The following KMT2C variants were observed in gnomAD, a reference collection of about 807,000 sequenced individuals.
KMT2C encodes lysine methyltransferase 2C.
KMT2C carries 88 observed loss-of-function variants against 507.9 expected under a neutral mutation model. That is an observed-to-expected ratio of 0.17 (90% CI 0.15 to 0.21). The LOEUF is 0.21. Ranked by LOEUF, KMT2C falls within the 10% of genes least tolerant of loss-of-function variation. The pLI is 1.00. For missense variants in KMT2C, 4,954 were observed against 5,957.8 expected, an observed-to-expected ratio of 0.83 and a Z score of 5.55; for synonymous variants, 2,049 against 2,080.8, an observed-to-expected ratio of 0.98 and a Z score of 0.42.
chr7:152,252,071 C>A lies in KMT2C; in HGVS notation c.1489G>T (p.Asp497Tyr). 1 of 1,610,866 alleles carries A rather than the reference C, an allele frequency of 6.2e-7. No homozygotes were observed. The highest frequency in any genetic ancestry group is 1.1e-5 in the South Asian group (1 of 90,228). ...TCCAGTTCATGATCTGTTGGTTTGT[C>A]ACACTCTAGGTGAACCCACCTGCAG... Reference protein sequence around the residue: ...MCKRWVHLECDKPTDHELDTQ... With the variant: ...MCKRWVHLECYKPTDHELDTQ... The change falls in exon 11 of 59, where the codon GAC becomes TAC. Residue 497 changes from aspartate to tyrosine, a missense_variant. Physicochemically the swap from Asp to Tyr is radical, Grantham distance 160 (BLOSUM62 -3). Coordinates refer to ENST00000262189, the MANE Select transcript of KMT2C (RefSeq NM_170606.3).
intron 2 of KMT2C, among the ~76,000 whole-genome samples, chr7:152,331,787 G>A (rs934542191): frequency 6.6e-6 from 1 of 150,946 alleles, no homozygotes; most frequent in Non-Finnish European, 1.5e-5. Flanking sequence ...TAGCTGGGAT[G>A]ACAGGCGCCC....
rs762024957 is a variant in KMT2C at position 152,151,562 on chromosome 7, A to G, written c.12546T>C (p.Asp4182=). The change falls in exon 50 of 59, where the codon GAT becomes GAC. Residue 4182 remains aspartate, a synonymous_variant. Coordinates refer to ENST00000262189, the MANE Select transcript of KMT2C (RefSeq NM_170606.3). ...CGCTTTCTGCAATACCATGACTAGA[A>G]TCCTTATATCCAGAAAGACCTAAAG... The part of the protein sequence containing the change: ...PTSNGLSGYK[D]SSHGIAESAA... 7 of 1,613,922 alleles carry G rather than the reference A, an allele frequency of 4.3e-6. No homozygotes were observed. Among genetic ancestry groups the G allele is most frequent in the Non-Finnish European group, 5.9e-6 (7 of 1,179,908 alleles).
intron 3 of KMT2C, among the ~76,000 whole-genome samples, chr7:152,329,429 G>C (rs2096859573): frequency 6.6e-6 from 1 of 151,930 alleles, no homozygotes; most frequent in Non-Finnish European, 1.5e-5. Flanking sequence ...AATTAGCCAA[G>C]TATGGTGGCA....
chr7:152,432,322 G>A lies in KMT2C; in HGVS notation c.161+3304C>T, dbSNP rs186968049. Among the ~76,000 whole-genome samples the A allele has an allele frequency of 6.6e-5, 10 of 152,276 alleles. No homozygotes were observed. In the East Asian group the frequency reaches 1.7e-3, roughly 26 times the overall value. On this transcript the variant is annotated intron_variant, in intron 1 of 58. Transcript: ENST00000262189. ...CCCAACTTGGTAATGTGAATTTACA[G>A]TGTAAGGATGGAAAAAATAAGAAAA...
intron 23 of KMT2C, among the ~76,000 whole-genome samples, chr7:152,210,185 G>T (rs1373733822): frequency 6.6e-6 from 1 of 152,164 alleles, no homozygotes; most frequent in Admixed American, 6.6e-5. Flanking sequence ...CAAGTATGAG[G>T]TTTGAAAAGA....
intron 1 of KMT2C, among the ~76,000 whole-genome samples, chr7:152,369,394 T>A (rs898382339): frequency 2.6e-5 from 4 of 152,176 alleles, no homozygotes; most frequent in African/African-American, 9.6e-5. Flanking sequence ...CACAACTTTT[T>A]AAAAACTCAA....
At chr7:152,222,754 G>A (rs926453673) in intron 20 of KMT2C, 72 bp from the exon 21 acceptor site, 35 of 804,328 alleles carry the variant, frequency 4.4e-5, no homozygotes, top group Non-Finnish European at 2.1e-5. Flanking sequence ...TTTAAAACCT[G>A]TAACACTGAG....
chr7:152,249,860 T>C lies in KMT2C; in HGVS notation c.1813+16A>G, dbSNP rs2095536941. 4.1e-6 allele frequency: 6 copies of C among 1,478,476 alleles called. No individual in the cohort carries two copies. Among genetic ancestry groups the C allele is most frequent in the Non-Finnish European group, 5.7e-6 (6 of 1,057,402 alleles). 91.6% of individuals were successfully genotyped at this position (1,478,476 alleles called of 1,614,324 possible). Reference sequence around the variant, plus strand: ...TGTAACTCAATCAAATTAGACAATATGAACATACTGCTTACCAGCAATAAG... The same window carrying C: ...TGTAACTCAATCAAATTAGACAATACGAACATACTGCTTACCAGCAATAAG... On this transcript the variant is annotated intron_variant, in intron 13 of 58. Transcript: ENST00000262189.
Position 152,162,777 on chromosome 7 carries a change from T to C in KMT2C, c.10800A>G (p.Glu3600=). 6.2e-7 allele frequency: 1 copy of C among 1,614,204 alleles called. No homozygotes were observed. The change falls in exon 43 of 59, where the codon GAA becomes GAG. Residue 3600 remains glutamate (E), a synonymous_variant. Transcript: ENST00000262189. ...IQLYSDIIPE[E]KGKKKRTRKK... ...TTCTTGTTCTTTTCTTTTTCCCTTT[T>C]TCCTCTGGGATTATATCAGAATACA...
At chr7:152,427,507 A>C (rs1293328947) in intron 1 of KMT2C, among the ~76,000 whole-genome samples, 2 of 152,150 alleles carry the variant, frequency 1.3e-5, no homozygotes, top group Non-Finnish European at 2.9e-5. Context: ...CCACAGATCT[A>C]TCTCTATGTC....
At chr7:152,311,383 A>C (rs1446838651) in intron 5 of KMT2C, among the ~76,000 whole-genome samples, 1 of 152,170 alleles carries the variant, frequency 6.6e-6, no homozygotes, top group Non-Finnish European at 1.5e-5. Flanking sequence ...CCATATCATG[A>C]GTGCTGAGTT....
chr7:152,163,447 C>T lies in KMT2C; in HGVS notation c.10130G>A (p.Ser3377Asn). The change falls in exon 43 of 59, where the codon AGT (serine) becomes AAT (asparagine). Residue 3377 changes from serine to asparagine, a missense_variant. Coordinates refer to ENST00000262189, the MANE Select transcript of KMT2C (RefSeq NM_170606.3). ...AAATTCTACCCGAGGTGGTGGTCCA[C>T]TCTGTGGATTTGCATTTGAGACTGT... ...PGTVSNANPQ[S>N]GPPPRVEFDD... 2 of 1,614,212 alleles carry T rather than the reference C, an allele frequency of 1.2e-6. No individual in the cohort carries two copies. Among genetic ancestry groups the T allele is most frequent in the Non-Finnish European group, 1.7e-6 (2 of 1,180,038 alleles).
intron 24 of KMT2C, 70 bp from the exon 25 acceptor site, chr7:152,205,295 A>C: frequency 7.7e-7 from 1 of 1,292,566 alleles, no homozygotes. Flanking sequence ...CACAGGATAA[A>C]ACTGCTTTAT....
In KMT2C at chr7:152,238,796, G is replaced by A. The variant is rs771681097; in HGVS notation, c.2563C>T (p.Pro855Ser). 6.2e-7 allele frequency: 1 copy of A among 1,608,780 alleles called. No homozygotes were observed. Among genetic ancestry groups the A allele is most frequent in the Non-Finnish European group, 8.5e-7 (1 of 1,178,398 alleles). Residue 855 changes from proline to serine, a missense_variant, in exon 15 of 59, where the codon CCA becomes TCA. By Grantham distance (74) the Pro-to-Ser change is moderately conservative. Coordinates refer to ENST00000262189, the MANE Select transcript of KMT2C (RefSeq NM_170606.3). ...GAAATGTCTGGGGACCAGGAAGGTG[G>A]GCTCACTGTATTATGGGTACTCCAA... ...GAWSTHNTVS[P>S]PSWSPDISEG...
In KMT2C at chr7:152,149,079, T is replaced by A. The variant is rs2091391865; in HGVS notation, c.12848A>T (p.Asn4283Ile). ...ACAGTGCACATCCAAAGTGGAGATG[T>A]TGTTGCTGTACTGATGAAATGCTTT... ...PSKAFHQYSNNISTLDVHCLP... is the reference protein window; with the variant it reads ...PSKAFHQYSNIISTLDVHCLP... Residue 4283 changes from asparagine to isoleucine, a missense_variant, in exon 52 of 59, where the codon AAC becomes ATC. This residue lies in a region of KMT2C where 417 missense variants were observed against 461.1 expected (regional missense o/e 0.90). Transcript: ENST00000262189. 9 of 1,522,184 alleles carry A rather than the reference T, an allele frequency of 5.9e-6. No individual in the cohort carries two copies. Among genetic ancestry groups the A allele is most frequent in the Admixed American group, 2.3e-5 (1 of 44,218 alleles). 94.3% of individuals were successfully genotyped at this position (1,522,184 alleles called of 1,614,324 possible). A position where few individuals can be genotyped will look rare whatever the true frequency, so the allele number is the denominator to read the frequency against.
At position 152,250,836 on chromosome 7, in the gene KMT2C, C is replaced by G; in HGVS notation, c.1735+17G>C. On this transcript the variant is annotated intron_variant, in intron 12 of 58. Coordinates refer to ENST00000262189, the MANE Select transcript of KMT2C (RefSeq NM_170606.3). ...CATTTTCTTCAAAAACAGAGTATAT[C>G]CATTAAACATTCTTACCATCTGGAA... The G allele has an allele frequency of 3.2e-6, 4 of 1,259,782 alleles. No individual in the cohort carries two copies. The highest frequency in any genetic ancestry group is 4.6e-6 in the Non-Finnish European group (4 of 860,684). The allele number at this position is 1,259,782 out of a possible 1,614,324, so 78.0% of individuals were successfully genotyped here.
At position 152,252,580 on chromosome 7, in the gene KMT2C, G is replaced by T. The variant is rs1166845388; in HGVS notation, c.1435C>A (p.Gln479Lys). ...FCGKCYHPEL[Q>K]KDMLHCNMCK... is the part of the protein sequence containing the mutation. ...ATATTACAATGAAGCATGTCTTTCT[G>T]CAATTCTGGATGATAACACTTCCCA... The change falls in exon 10 of 59, where the codon CAG becomes AAG. Residue 479 changes from glutamine to lysine, a missense_variant. Physicochemically the swap from Gln to Lys is moderately conservative, Grantham distance 53 (BLOSUM62 1). Coordinates refer to ENST00000262189, the MANE Select transcript of KMT2C (RefSeq NM_170606.3). The T allele has an allele frequency of 1.2e-6, 2 of 1,613,264 alleles. No individual in the cohort carries two copies.
chr7:152,248,512 T>C lies in KMT2C; in HGVS notation c.1922A>G (p.Asp641Gly). Residue 641 changes from aspartate to glycine, a missense_variant, in exon 14 of 59, where the codon GAT becomes GGT. Asp to Gly is a moderately conservative substitution (Grantham distance 94, BLOSUM62 -1). Around this residue, in one of 29 missense-constraint regions of KMT2C, gnomAD observed 376 missense variants for 352.4 expected, o/e 1.07. Transcript: ENST00000262189. ...SSEVKHICGE[D>G]QIEDKMEVTE... ...CACTTCCATTTTATCTTCAATTTGA[T>C]CTTCGCCACAAATATGCTTCACTTC... The C allele has an allele frequency of 6.2e-7, 1 of 1,614,002 alleles. No individual in the cohort carries two copies. Among genetic ancestry groups the C allele is most frequent in the Non-Finnish European group, 8.5e-7 (1 of 1,179,922 alleles).
intron 1 of KMT2C, among the ~76,000 whole-genome samples, chr7:152,431,458 A>G (rs1458938434): frequency 1.3e-4 from 20 of 151,956 alleles, no homozygotes; most frequent in Admixed American, 1.2e-3. Context: ...TTAGTCAGGC[A>G]TGGTAGTACG....
Sources: allele counts gnomAD v4.1 joint callset (sites outside exome capture counted in the v4.1 genomes callset), GRCh38; gene constraint gnomAD v4.1.1; regional missense constraint gnomAD v4.1.1; transcripts MANE v1.5; gene names NCBI Gene and HGNC (gene_info 2026-07-23, HGNC 2026-07-21).